The following GRM8 variants were observed in gnomAD, a reference collection of about 807,000 sequenced individuals.
The protein encoded by GRM8 is metabotropic glutamate receptor 8.
Under a neutral mutation model 87.2 loss-of-function variants are expected in GRM8, and 47 were observed. The ratio of observed to expected loss-of-function variants is 0.54; its 90% CI spans 0.43 to 0.69. The LOEUF is 0.69. Ranked by LOEUF, GRM8 falls within the 30% of genes least tolerant of loss-of-function variation. The probability of loss-of-function intolerance (pLI) is 0.00; values close to 1 mark genes in which losing one functional copy is unlikely to be tolerated. For synonymous variants in GRM8, 396 were observed against 404.5 expected (o/e 0.98, Z 0.25); for missense variants, 1,019 against 1,139.2 (o/e 0.89, Z 1.52).
chr7:126,457,602 T>G (rs1430896144), intron 9 of GRM8, among the ~76,000 whole-genome samples: 1 of 151,342 alleles, frequency 6.6e-6, no homozygotes, highest in African/African-American at 2.4e-5. Flanking sequence ...TCTAAATCAC[T>G]CATAAGTCAA....
At chr7:127,056,928 A>C (rs575635819) in intron 3 of GRM8, among the ~76,000 whole-genome samples, 34 of 152,188 alleles carry the variant, frequency 2.2e-4, no homozygotes, top group Non-Finnish European at 3.2e-4. Context: ...TAAAACAACA[A>C]AGCAATCTCC....
intron 7 of GRM8, among the ~76,000 whole-genome samples, chr7:126,675,287 G>T (rs1356713682): frequency 6.6e-6 from 1 of 151,974 alleles, no homozygotes. Context: ...AAATCAGATG[G>T]ATTCACAGCC....
At chr7:126,511,306 G>A (rs915241421) in intron 9 of GRM8, 1 of 152,048 alleles carries the variant, frequency 6.6e-6, no homozygotes, top group African/African-American at 2.4e-5. Flanking sequence ...TGCTGAGCCT[G>A]AGTAAGTCAT....
chr7:126,513,468 G>A (rs1222634226), intron 9 of GRM8, among the ~76,000 whole-genome samples: 1 of 152,074 alleles, frequency 6.6e-6, no homozygotes, highest in Non-Finnish European at 1.5e-5. Context: ...TCTTAAACCA[G>A]GACTTCTTAG....
chr7:126,762,021 G>C (rs1238934492), intron 7 of GRM8, among the ~76,000 whole-genome samples: 2 of 152,050 alleles, frequency 1.3e-5, no homozygotes, highest in African/African-American at 4.8e-5. Flanking sequence ...TTAGTAACAG[G>C]TTTCTGTACC....
Position 127,183,806 on chromosome 7 carries a change from G to A in GRM8, c.510+58889C>T, listed in dbSNP as rs17864963. Among the ~76,000 whole-genome samples, 98 of 151,770 alleles carry A rather than the reference G, an allele frequency of 6.5e-4. 1 individual carries two copies. Among genetic ancestry groups the A allele is most frequent in the African/African-American group, 2.3e-3 (96 of 41,482 alleles). ...CTAGTTAGGCTAACCAAGAAAAAGAGAAGACACAAATTACTAATATCAGAA... is the reference window on the plus strand; with the variant it reads ...CTAGTTAGGCTAACCAAGAAAAAGAAAAGACACAAATTACTAATATCAGAA... On this transcript the variant is annotated intron_variant, in intron 2 of 10. Coordinates refer to ENST00000339582, the MANE Select transcript of GRM8 (RefSeq NM_000845.3).
At chr7:126,478,199 C>T (rs2150582843) in intron 9 of GRM8, among the ~76,000 whole-genome samples, 2 of 152,246 alleles carry the variant, frequency 1.3e-5, no homozygotes, top group Middle Eastern at 6.8e-3. Flanking sequence ...TAACACACAA[C>T]AATTATTAAT....
intron 7 of GRM8, among the ~76,000 whole-genome samples, chr7:126,665,439 T>G (rs1563073036): frequency 1.3e-5 from 2 of 152,194 alleles, no homozygotes; most frequent in Non-Finnish European, 2.9e-5. Context: ...AATGAAGTCA[T>G]GTCCTTTGCA....
intron 3 of GRM8, among the ~76,000 whole-genome samples, chr7:127,083,789 T>C (rs1020081408): frequency 2.0e-5 from 3 of 152,164 alleles, no homozygotes; most frequent in Admixed American, 2.0e-4. Context: ...ACCATTATTG[T>C]CTGAAAGTGT....
chr7:126,880,680 T>C (rs1327332231), intron 6 of GRM8, among the ~76,000 whole-genome samples: 1 of 152,222 alleles, frequency 6.6e-6, no homozygotes, highest in African/African-American at 2.4e-5. Flanking sequence ...TAATGTTTCT[T>C]TCACTATTTA....
Position 127,224,911 on chromosome 7 carries a change from G to C in GRM8, c.510+17784C>G, listed in dbSNP as rs144966773. ...ATTGCAGGTGTGAGCCCCTGTGCCT[G>C]GCCCATGTCTAGGTTTCTATACTTC... On this transcript the variant is annotated intron_variant, in intron 2 of 10. Coordinates refer to ENST00000339582, the MANE Select transcript of GRM8 (RefSeq NM_000845.3). Among the ~76,000 whole-genome samples the C allele has an allele frequency of 6.1e-4, 93 of 152,242 alleles. No homozygotes were observed. In the East Asian group the frequency reaches 0.015, roughly 25 times the overall value.
chr7:126,699,525 C>A (rs1246556551), intron 7 of GRM8, among the ~76,000 whole-genome samples: 1 of 152,152 alleles, frequency 6.6e-6, no homozygotes, highest in Admixed American at 6.6e-5. Flanking sequence ...TTTGATAAGA[C>A]TGCTAAATAA....
chr7:126,473,240 G>T lies in GRM8; in HGVS notation c.2431-26868C>A, dbSNP rs376727357. Among the ~76,000 whole-genome samples, 17 of 152,290 alleles carry T rather than the reference G, an allele frequency of 1.1e-4. No individual in the cohort carries two copies. In the East Asian group the frequency reaches 2.1e-3, roughly 19 times the overall value. The stretch of plus-strand genomic sequence containing the variant: ...CACTCAATGCCAGCCCATGAAAGCA[G>T]CCGGAACTGGGGTGGTATTCTGCAA... On this transcript the variant is annotated intron_variant, in intron 9 of 10. Coordinates refer to ENST00000339582, the MANE Select transcript of GRM8 (RefSeq NM_000845.3).
At chr7:126,969,252 A>G (rs1204589) in intron 3 of GRM8, among the ~76,000 whole-genome samples, 116,930 of 152,042 alleles carry the variant, frequency 0.77, 45,331 homozygotes, top group East Asian at 0.97. Context: ...CAACAATAAA[A>G]CTTACTTCAT....
chr7:126,827,677 T>C (rs1240515710), intron 6 of GRM8, among the ~76,000 whole-genome samples: 2 of 152,046 alleles, frequency 1.3e-5, no homozygotes, highest in Non-Finnish European at 2.9e-5. Flanking sequence ...CAATTTGACT[T>C]CTTTTCCTAA....
At chr7:127,026,552 G>A (rs140023871) in intron 3 of GRM8, among the ~76,000 whole-genome samples, 38,720 of 152,120 alleles carry the variant, frequency 0.25, 5,851 homozygotes, top group Non-Finnish European at 0.36. Context: ...TAACTGGCAT[G>A]AGATGGTATC....
chr7:127,115,548 C>T (rs139100946), intron 2 of GRM8, among the ~76,000 whole-genome samples: 1 of 152,078 alleles, frequency 6.6e-6, no homozygotes, highest in African/African-American at 2.4e-5. Context: ...TTGGTAATGG[C>T]ATTTTGACTT....
At chr7:126,904,956 G>A (rs1053945912) in intron 3 of GRM8, among the ~76,000 whole-genome samples, 1 of 152,188 alleles carries the variant, frequency 6.6e-6, no homozygotes, top group African/African-American at 2.4e-5. Context: ...TATAAGATGT[G>A]TGATGAGAGT....
intron 3 of GRM8, among the ~76,000 whole-genome samples, chr7:126,978,202 G>A (rs1811196989): frequency 6.6e-6 from 1 of 151,954 alleles, no homozygotes; most frequent in East Asian, 1.9e-4. Flanking sequence ...GGGAAGCGGA[G>A]GGGAGGAAAA....
Sources: gnomAD v4.1 joint callset for allele counts (sites outside exome capture counted in the v4.1 genomes callset) on GRCh38, gnomAD v4.1.1 for gene constraint, MANE v1.5 for transcripts, NCBI Gene and HGNC (gene_info 2026-07-23, HGNC 2026-07-21) for gene names.